The following FRMD6 variants were observed in gnomAD, a reference collection of about 807,000 sequenced individuals.
The protein encoded by FRMD6 is FERM domain containing 6.
Under a neutral mutation model 73.2 loss-of-function variants are expected in FRMD6, and 37 were observed. The observed-to-expected ratio is 0.51, with a 90% confidence interval of 0.39 to 0.66. The LOEUF (loss-of-function observed/expected upper bound fraction) is 0.66. Ranked by LOEUF, FRMD6 falls within the 30% of genes least tolerant of loss-of-function variation. The pLI, the probability that FRMD6 is intolerant of heterozygous loss-of-function variation, is 0.00. For missense variants in FRMD6, 714 were observed against 780.5 expected, an observed-to-expected ratio of 0.91 and a Z score of 1.02; for synonymous variants, 273 against 282.2, an observed-to-expected ratio of 0.97 and a Z score of 0.33.
At chr14:51,466,487 C>G in the FRMD6 span, among the ~76,000 whole-genome samples, 1 of 152,094 alleles carries the variant, frequency 6.6e-6, no homozygotes, top group Non-Finnish European at 1.5e-5. Flanking sequence ...GTAGTTGATC[C>G]AGTACCATTT....
At chr14:51,702,704 T>C in intron 5 of FRMD6, 116 bp downstream of exon 5, 1 of 791,518 alleles carries the variant, frequency 1.3e-6, no homozygotes, top group Non-Finnish European at 2.0e-6. Flanking sequence ...ATATAAACTC[T>C]GTAGGAGCAG....
chr14:51,587,857 G>C (rs562673089), intron 2 of FRMD6, among the ~76,000 whole-genome samples: 7 of 152,100 alleles, frequency 4.6e-5, no homozygotes, highest in Admixed American at 6.5e-5. Context: ...TCCTACTGAC[G>C]TTAGCGGCAA....
chr14:51,599,371 C>T (rs777249990), intron 2 of FRMD6, among the ~76,000 whole-genome samples: 8 of 152,034 alleles, frequency 5.3e-5, no homozygotes, highest in Non-Finnish European at 1.5e-5. Flanking sequence ...AAACATAAGG[C>T]CACAAAGTAT....
chr14:51,603,255 A>G (rs1890112023), intron 2 of FRMD6, among the ~76,000 whole-genome samples: 2 of 116,856 alleles, frequency 1.7e-5, no homozygotes, highest in South Asian at 5.9e-4. Flanking sequence ...TTTATAAGCC[A>G]CATAGTTTAT....
the FRMD6 span, among the ~76,000 whole-genome samples, chr14:51,417,276 T>G: frequency 2.6e-5 from 4 of 152,238 alleles, no homozygotes; most frequent in Admixed American, 1.3e-4. Flanking sequence ...GGCATGTTTT[T>G]GCAGTGGCTG....
Position 51,727,866 on chromosome 14 carries a change from A to T in FRMD6, c.1706A>T (p.Tyr569Phe). ...AGLCQDTAQS[Y>F]TFGCGHELDE... ...CTGTGTCAGGACACTGCTCAGAGTTACACCTTTGGATGTGGCCATGAACTG... is the reference window on the plus strand; with the variant it reads ...CTGTGTCAGGACACTGCTCAGAGTTTCACCTTTGGATGTGGCCATGAACTG... The change falls in exon 14 of 14, where the codon TAC becomes TTC. Residue 569 changes from tyrosine to phenylalanine, a missense_variant. By Grantham distance (22) the Tyr-to-Phe change is conservative. Transcript: ENST00000344768. The T allele has an allele frequency of 1.9e-6, 3 of 1,614,224 alleles. No individual in the cohort carries two copies. The highest frequency in any genetic ancestry group is 2.5e-6 in the Non-Finnish European group (3 of 1,180,018).
intron 2 of FRMD6, among the ~76,000 whole-genome samples, chr14:51,642,277 C>T (rs60318774): frequency 0.06 from 9,186 of 152,170 alleles, 360 homozygotes; most frequent in African/African-American, 0.11. Flanking sequence ...TGGTGGCTCA[C>T]GCTTGTAATC....
At chr14:51,683,847 T>C (rs1293366734) in intron 1 of FRMD6, among the ~76,000 whole-genome samples, 3 of 152,114 alleles carry the variant, frequency 2.0e-5, no homozygotes, top group Non-Finnish European at 4.4e-5. Flanking sequence ...TAATCAGTAA[T>C]CTGTTTGTAT....
chr14:51,464,879 A>T, the FRMD6 span, among the ~76,000 whole-genome samples: 122 of 152,318 alleles, frequency 8.0e-4, 1 homozygote, highest in African/African-American at 2.8e-3. Context: ...GGAACGGACA[A>T]GCCCAAGAGA....
intron 2 of FRMD6, among the ~76,000 whole-genome samples, chr14:51,584,554 TA>T (rs767773027): frequency 2.6e-5 from 4 of 152,218 alleles, no homozygotes; most frequent in Non-Finnish European, 5.9e-5. Context: ...GGCTTTATTA[TA>T]ATTACTTCTG....
chr14:51,423,921 T>G, the FRMD6 span, among the ~76,000 whole-genome samples: 1 of 152,192 alleles, frequency 6.6e-6, no homozygotes, highest in Non-Finnish European at 1.5e-5. Flanking sequence ...GGAAGTAAAA[T>G]GTATAATTCT....
the FRMD6 span, among the ~76,000 whole-genome samples, chr14:51,414,714 G>C: frequency 1.3e-5 from 2 of 152,248 alleles, no homozygotes; most frequent in Non-Finnish European, 2.9e-5. Context: ...AGTTTGATGG[G>C]GGTGGCATTG....
intron 1 of FRMD6, among the ~76,000 whole-genome samples, chr14:51,491,795 A>AAGACAGT (rs1383371011): frequency 6.6e-6 from 1 of 152,192 alleles, no homozygotes; most frequent in African/African-American, 2.4e-5. Context: ...TGGCCAGGAG[A>AAGACAGT]AGACAGTACA....
At chr14:51,490,086 A>G (rs1299350069) in intron 1 of FRMD6, among the ~76,000 whole-genome samples, 1 of 152,252 alleles carries the variant, frequency 6.6e-6, no homozygotes, top group Non-Finnish European at 1.5e-5. Context: ...AATGAATACA[A>G]TGAGCTGTTA....
chr14:51,576,506 T>C (rs2139628893), intron 2 of FRMD6, among the ~76,000 whole-genome samples: 1 of 152,304 alleles, frequency 6.6e-6, no homozygotes, highest in African/African-American at 2.4e-5. Flanking sequence ...GCAGAATGCT[T>C]TAAATTTTTA....
chr14:51,536,659 T>G (rs1885912966), intron 1 of FRMD6, among the ~76,000 whole-genome samples: 1 of 152,022 alleles, frequency 6.6e-6, no homozygotes, highest in Admixed American at 6.6e-5. Flanking sequence ...TCAAGTGATC[T>G]GCCCGCCTTG....
chr14:51,508,203 GC>G (rs145361617), intron 1 of FRMD6, among the ~76,000 whole-genome samples: 2,540 of 152,264 alleles, frequency 0.017, 70 homozygotes, highest in African/African-American at 0.058. Flanking sequence ...ATCCGGCCCT[GC>G]CTGTTGCTAC....
chr14:51,456,197 A>G, the FRMD6 span, among the ~76,000 whole-genome samples: 1 of 152,066 alleles, frequency 6.6e-6, no homozygotes, highest in African/African-American at 2.4e-5. Context: ...CATTCTGCAG[A>G]ACTTGCAACA....
At chr14:51,658,430 C>G (rs1036251141) in intron 1 of FRMD6, among the ~76,000 whole-genome samples, 3 of 151,942 alleles carry the variant, frequency 2.0e-5, no homozygotes, top group African/African-American at 7.3e-5. Context: ...CTTGTTGATC[C>G]ATAAATGATC....
Sources: allele counts gnomAD v4.1 joint callset (sites outside exome capture counted in the v4.1 genomes callset), GRCh38; gene constraint gnomAD v4.1.1; transcripts MANE v1.5; gene names NCBI Gene and HGNC (gene_info 2026-07-23, HGNC 2026-07-21).